FRMPD3: variants seen among roughly 807,000 people sequenced by gnomAD.
FRMPD3 encodes the protein FERM and PDZ domain containing 3, also known as FERM and PDZ domain-containing protein 3.
Under a neutral mutation model 97.9 loss-of-function variants are expected in FRMPD3, and 42 were observed. That is an observed-to-expected ratio of 0.43 (90% CI 0.34 to 0.55). The LOEUF (loss-of-function observed/expected upper bound fraction) is 0.55. Among genes scored for constraint, FRMPD3 ranks in the 20% least tolerant of loss-of-function variants. The pLI is 0.03. For synonymous variants in FRMPD3, 577 were observed against 581.1 expected (o/e 0.99, Z 0.10); for missense variants, 1,303 against 1,457.7 (o/e 0.89, Z 1.73).
At chrX:107,480,838 AAG>A (rs1921327718) in intron 1 of FRMPD3, among the ~76,000 whole-genome samples, 1 of 103,645 alleles carries the variant, frequency 9.6e-6, no homozygotes, top group Non-Finnish European at 2.0e-5. Flanking sequence ...AAAAAAAAAA[AAG>A]AAGAAAGAAA....
In FRMPD3 at chrX:107,600,554, A is replaced by G; in HGVS notation, c.2515A>G (p.Asn839Asp). ...APYSLGRPDP[N>D]PSLQPIATGQ... ...TTACTCTCTTGGGCGCCCGGATCCC[A>G]ACCCATCTCTCCAACCCATTGCCAC... Residue 839 changes from asparagine to aspartate, a missense_variant, in exon 15 of 15, where the codon AAC becomes GAC. Around this residue, in one of 3 missense-constraint regions of FRMPD3, gnomAD observed 764 missense variants for 820.2 expected, o/e 0.93. Transcript: ENST00000683843. The G allele has an allele frequency of 8.3e-7, 1 of 1,210,639 alleles. No individual in the cohort carries two copies. Among genetic ancestry groups the G allele is most frequent in the East Asian group, 3.0e-5 (1 of 33,818 alleles).
intron 1 of FRMPD3, among the ~76,000 whole-genome samples, chrX:107,521,639 G>T (rs1461311520): frequency 8.9e-6 from 1 of 112,254 alleles, no homozygotes; most frequent in Non-Finnish European, 1.9e-5. Flanking sequence ...GGGGAATGTT[G>T]CATCTCATGG....
chrX:107,512,736 A>G (rs1332143725), intron 1 of FRMPD3, among the ~76,000 whole-genome samples: 1 of 112,113 alleles, frequency 8.9e-6, no homozygotes, highest in Non-Finnish European at 1.9e-5. Flanking sequence ...GTGACATGAC[A>G]ACTCCTTCAA....
intron 13 of FRMPD3, among the ~76,000 whole-genome samples, chrX:107,578,409 C>A (rs997970959): frequency 8.9e-5 from 10 of 112,173 alleles, no homozygotes; most frequent in African/African-American, 3.2e-4. Flanking sequence ...CACATTCCAA[C>A]ATGCCATGTT....
Position 107,533,559 on chromosome X carries a change from G to C in FRMPD3, c.297+9G>C. On this transcript the variant is annotated intron_variant, in intron 4 of 14. Coordinates refer to ENST00000683843, the MANE Select transcript of FRMPD3 (RefSeq NM_001388459.1). ...TTCTGCACACTCATCAGGTGAGTGA[G>C]CCTCTTTGCCATCTGCCCTTCCTCC... is the stretch of plus-strand genomic sequence containing the variant. 1 of 1,198,688 alleles carries C rather than the reference G, an allele frequency of 8.3e-7. No homozygotes were observed. Among genetic ancestry groups the C allele is most frequent in the Non-Finnish European group, 1.1e-6 (1 of 886,143 alleles).
intron 13 of FRMPD3, among the ~76,000 whole-genome samples, chrX:107,589,453 G>A (rs1468140685): frequency 9.0e-6 from 1 of 111,186 alleles, no homozygotes; most frequent in Non-Finnish European, 1.9e-5. Context: ...TCCCTTGGCT[G>A]GGGGATGGGG....
At chrX:107,563,284 A>G (rs1922457373) in intron 11 of FRMPD3, 84 bp downstream of exon 11, 1 of 743,633 alleles carries the variant, frequency 1.3e-6, no homozygotes, top group Non-Finnish European at 2.0e-6. Context: ...AGGGGCAAAT[A>G]TTTCTAAAGG....
intron 1 of FRMPD3, among the ~76,000 whole-genome samples, chrX:107,507,221 G>C (rs759596563): frequency 9.0e-5 from 10 of 110,935 alleles, no homozygotes; most frequent in African/African-American, 3.3e-4. Flanking sequence ...CCCTCACCCC[G>C]AGATCCCAAG....
intron 7 of FRMPD3, 113 bp from the exon 8 acceptor site, chrX:107,554,272 C>T: frequency 2.5e-6 from 2 of 802,556 alleles, no homozygotes; most frequent in Non-Finnish European, 3.5e-6. Flanking sequence ...TAGGAAACAA[C>T]AGCTTAGCTC....
chrX:107,465,483 A>G (rs1931542765), intron 1 of FRMPD3, among the ~76,000 whole-genome samples: 2 of 111,438 alleles, frequency 1.8e-5, no homozygotes, highest in African/African-American at 6.5e-5. Context: ...AAAGAAAAAG[A>G]AAAAAGAAAT....
At chrX:107,525,352 C>G (rs910534549) in intron 1 of FRMPD3, among the ~76,000 whole-genome samples, 4 of 111,844 alleles carry the variant, frequency 3.6e-5, no homozygotes, top group African/African-American at 1.3e-4. Context: ...GGCACCAGTG[C>G]TATCACAGGC....
chrX:107,560,227 C>G (rs781630102), intron 8 of FRMPD3, 30 bp from the exon 9 acceptor site: 1 of 1,200,832 alleles, frequency 8.3e-7, no homozygotes, highest in Non-Finnish European at 1.1e-6. Flanking sequence ...TCTCCTTCAG[C>G]TGATAGGTTT....
At chrX:107,586,799 C>T (rs1474169086) in intron 13 of FRMPD3, among the ~76,000 whole-genome samples, 2 of 112,173 alleles carry the variant, frequency 1.8e-5, no homozygotes, top group African/African-American at 6.5e-5. Flanking sequence ...TTTGATTGCA[C>T]TGTGGTCTGT....
intron 1 of FRMPD3, among the ~76,000 whole-genome samples, chrX:107,508,069 G>T (rs772083427): frequency 8.9e-6 from 1 of 112,160 alleles, no homozygotes; most frequent in East Asian, 2.8e-4. Flanking sequence ...TTTTACGGAT[G>T]AGGAAATTGA....
intron 8 of FRMPD3, among the ~76,000 whole-genome samples, chrX:107,558,904 C>G (rs994779449): frequency 9.1e-6 from 1 of 109,589 alleles, no homozygotes; most frequent in Non-Finnish European, 1.9e-5. Flanking sequence ...AGGCTGGTCT[C>G]AAACTCCTGA....
At chrX:107,494,671 A>C (rs1921734382) in intron 1 of FRMPD3, among the ~76,000 whole-genome samples, 1 of 111,860 alleles carries the variant, frequency 8.9e-6, no homozygotes, top group Non-Finnish European at 1.9e-5. Context: ...TACATACATT[A>C]CCTCAATCCT....
Position 107,603,303 on chromosome X carries a change from C to T in FRMPD3, c.5264C>T (p.Pro1755Leu). The stretch of plus-strand genomic sequence containing the variant: ...GCTGCAGGGGCAGCCACAGAGCATC[C>T]ACCAGGCTCCCCAACTTCGGCGACT... ...AAAAGAATEH[P>L]PGSPTSATVM... The change falls in exon 15 of 15, where the codon CCA (proline) becomes CTA (leucine). Residue 1755 changes from proline (P) to leucine (L), a missense_variant. Around this residue, in one of 3 missense-constraint regions of FRMPD3, gnomAD observed 764 missense variants for 820.2 expected, o/e 0.93. Transcript: ENST00000683843. 9.2e-7 allele frequency: 1 copy of T among 1,081,140 alleles called. No individual in the cohort carries two copies. Among genetic ancestry groups the T allele is most frequent in the Non-Finnish European group, 1.2e-6 (1 of 831,205 alleles). The allele number at this position is 1,081,140 out of a possible 1,213,427, so 89.1% of individuals were successfully genotyped here.
intron 1 of FRMPD3, among the ~76,000 whole-genome samples, chrX:107,493,092 A>T (rs1160828985): frequency 1.1e-5 from 1 of 93,850 alleles, no homozygotes; most frequent in African/African-American, 4.0e-5. Context: ...AGGCGGGAGG[A>T]TTGCTTGAGC....
chrX:107,548,645 G>A (rs761903774), intron 5 of FRMPD3, among the ~76,000 whole-genome samples: 1 of 112,526 alleles, frequency 8.9e-6, no homozygotes, highest in East Asian at 2.8e-4. Flanking sequence ...TATGATAAAG[G>A]TGAGTTTCGG....
Sources: gnomAD v4.1 joint callset for allele counts (sites outside exome capture counted in the v4.1 genomes callset) on GRCh38, gnomAD v4.1.1 for gene constraint, gnomAD v4.1.1 regional missense constraint, MANE v1.5 for transcripts, NCBI Gene and HGNC (gene_info 2026-07-23, HGNC 2026-07-21) for gene names.